Variants in FSIP1 observed in about 807,000 individuals in gnomAD.
FSIP1 encodes fibrous sheath-interacting protein 1.
In FSIP1, 65 loss-of-function variants were observed where a neutral mutation model predicts 60.9. The observed-to-expected ratio is 1.07, with a 90% CI of 0.87 to 1.31. The LOEUF (loss-of-function observed/expected upper bound fraction) is 1.31, where lower values mean the gene tolerates loss of function less well. FSIP1 is among the 40% of genes most tolerant of loss of function. The pLI, the probability that FSIP1 is intolerant of heterozygous loss-of-function variation, is 0.00. For missense variants in FSIP1, 675 were observed against 665.5 expected (o/e 1.01, Z -0.16); for synonymous variants, 209 against 221.2 (o/e 0.94, Z 0.49).
intron 5 of FSIP1, among the ~76,000 whole-genome samples, chr15:39,759,117 G>C (rs1177098836): frequency 6.6e-6 from 1 of 151,462 alleles, no homozygotes; most frequent in Non-Finnish European, 1.5e-5. Flanking sequence ...AGACATAAAA[G>C]GCCTTTTAAA....
chr15:39,648,212 C>CAA lies in FSIP1; in HGVS notation c.1189-29969_1189-29968dup, dbSNP rs35577831. On this transcript the variant is annotated intron_variant, in intron 10 of 11. Transcript: ENST00000350221. ...AAAGAATCTAGTATAAAATTGCTAC[C>CAA]AAAAAAAAAAAAAAGAAAAATTAGA... Among the ~76,000 whole-genome samples the CAA allele has an allele frequency of 3.4e-5, 4 of 117,584 alleles. 1 individual carries two copies. The highest frequency in any genetic ancestry group is 1.2e-4 in the African/African-American group (4 of 32,270). 77.1% of individuals were successfully genotyped at this position (117,584 alleles called of 152,430 possible).
intron 10 of FSIP1, among the ~76,000 whole-genome samples, chr15:39,665,748 C>T (rs1020778710): frequency 6.6e-6 from 1 of 151,950 alleles, no homozygotes; most frequent in African/African-American, 2.4e-5. Flanking sequence ...ATTAATTATA[C>T]TGAATAAAAG....
intron 10 of FSIP1, among the ~76,000 whole-genome samples, chr15:39,698,431 G>T (rs1402714788): frequency 1.3e-5 from 2 of 152,052 alleles, no homozygotes; most frequent in African/African-American, 4.8e-5. Context: ...CAAATACTCA[G>T]TATTCTCTTT....
chr15:39,695,218 A>G lies in FSIP1; in HGVS notation c.1188+18226T>C, dbSNP rs143895886. On this transcript the variant is annotated intron_variant, in intron 10 of 11. Coordinates refer to ENST00000350221, the MANE Select transcript of FSIP1 (RefSeq NM_152597.5). ...TAGTCCTTGACCTCTACATCAAAAT[A>G]CACTTCTGGTCATTGCCTTTGGTGT... Among the ~76,000 whole-genome samples the G allele has an allele frequency of 3.5e-3, 528 of 152,230 alleles. 3 individuals carry two copies. Among genetic ancestry groups the G allele is most frequent in the African/African-American group, 0.012 (504 of 41,544 alleles).
chr15:39,737,150 C>T (rs1437805253), intron 8 of FSIP1, among the ~76,000 whole-genome samples: 1 of 152,168 alleles, frequency 6.6e-6, no homozygotes, highest in Admixed American at 6.5e-5. Context: ...TGTATTTCTT[C>T]ACAGAAGCAA....
At chr15:39,712,172 G>A (rs114956520) in intron 10 of FSIP1, among the ~76,000 whole-genome samples, 4 of 151,924 alleles carry the variant, frequency 2.6e-5, no homozygotes. Flanking sequence ...TCATTAGGGG[G>A]CCTGAGCTCC....
At chr15:39,602,238 CA>C (rs1382890580) in intron 11 of FSIP1, 2 of 434,266 alleles carry the variant, frequency 4.6e-6, no homozygotes, top group Non-Finnish European at 9.3e-6. Context: ...TGGAGGGAGG[CA>C]ATGTGAAGAC....
At chr15:39,767,396 T>C (rs748602789) in intron 3 of FSIP1, among the ~76,000 whole-genome samples, 1 of 152,162 alleles carries the variant, frequency 6.6e-6, no homozygotes, top group Non-Finnish European at 1.5e-5. Context: ...GTAAACTGTG[T>C]CAGCAGCTAA....
intron 10 of FSIP1, among the ~76,000 whole-genome samples, chr15:39,691,873 G>A (rs1049593267): frequency 1.3e-5 from 2 of 151,932 alleles, no homozygotes; most frequent in African/African-American, 4.8e-5. Context: ...CCTGTGAGGG[G>A]GTAGATAGAT....
chr15:39,626,698 G>T (rs1402973519), intron 10 of FSIP1, among the ~76,000 whole-genome samples: 1 of 152,018 alleles, frequency 6.6e-6, no homozygotes, highest in Non-Finnish European at 1.5e-5. Context: ...TGCCATGTAA[G>T]ATGTGCCTCT....
chr15:39,752,573 G>C (rs1044161624), intron 5 of FSIP1, among the ~76,000 whole-genome samples: 11 of 151,930 alleles, frequency 7.2e-5, no homozygotes, highest in African/African-American at 2.7e-4. Context: ...CATGAGAAAA[G>C]CATGAGATAA....
chr15:39,764,555 T>G lies in FSIP1; in HGVS notation c.466-641A>C, dbSNP rs149581737. ...AATAACCAATCTCTTATGACAAGGTTCCTTACCTTAAAGGTGCTTTCCTTT... is the reference window on the plus strand; with the variant it reads ...AATAACCAATCTCTTATGACAAGGTGCCTTACCTTAAAGGTGCTTTCCTTT... On this transcript the variant is annotated intron_variant, in intron 4 of 11. Coordinates refer to ENST00000350221, the MANE Select transcript of FSIP1 (RefSeq NM_152597.5). 8.4e-3 allele frequency among the ~76,000 whole-genome samples: 1,283 copies of G among 152,318 alleles called. 9 individuals carry two copies. The highest frequency in any genetic ancestry group is 0.011 in the Admixed American group (174 of 15,300).
At chr15:39,770,364 A>G in intron 3 of FSIP1, 63 bp downstream of exon 3, 1 of 1,248,262 alleles carries the variant, frequency 8.0e-7, no homozygotes, top group South Asian at 1.8e-5. Context: ...CTTAAATATA[A>G]CATTTGTAAT....
At chr15:39,704,699 A>G (rs1332292163) in intron 10 of FSIP1, among the ~76,000 whole-genome samples, 1 of 152,208 alleles carries the variant, frequency 6.6e-6, no homozygotes, top group Non-Finnish European at 1.5e-5. Flanking sequence ...CTGAATCTAT[A>G]GCATGTGTAA....
chr15:39,733,086 G>A (rs980344008), intron 8 of FSIP1, among the ~76,000 whole-genome samples: 3 of 152,028 alleles, frequency 2.0e-5, no homozygotes, highest in Non-Finnish European at 2.9e-5. Flanking sequence ...TGTTGCCCAG[G>A]CTGGAGTGCA....
At chr15:39,780,418 G>C (rs543243834) in intron 1 of FSIP1, among the ~76,000 whole-genome samples, 1 of 152,264 alleles carries the variant, frequency 6.6e-6, no homozygotes, top group East Asian at 1.9e-4. Flanking sequence ...CCAGCTACTC[G>C]GGAGGCTAAG....
intron 10 of FSIP1, among the ~76,000 whole-genome samples, chr15:39,667,302 C>T (rs1281477250): frequency 6.6e-6 from 1 of 151,846 alleles, no homozygotes; most frequent in Non-Finnish European, 1.5e-5. Flanking sequence ...ATGAAGAGTA[C>T]AAAGCTTAAA....
At chr15:39,705,324 T>A (rs183712361) in intron 10 of FSIP1, among the ~76,000 whole-genome samples, 177 of 151,948 alleles carry the variant, frequency 1.2e-3, no homozygotes, top group African/African-American at 3.6e-3. Flanking sequence ...CTTTATTTTT[T>A]AAAAAAAACA....
intron 5 of FSIP1, among the ~76,000 whole-genome samples, chr15:39,746,999 G>GCTTCCCTCCTTCCCTC (rs34636012): frequency 0.01 from 1,390 of 134,500 alleles, 31 homozygotes; most frequent in African/African-American, 0.034. Context: ...TCCTGTTTGG[G>GCTTCCCTCCTTCCCTC]CTTCCCTCCT....
Sources: gnomAD v4.1 joint callset for allele counts (sites outside exome capture counted in the v4.1 genomes callset) on GRCh38, gnomAD v4.1.1 for gene constraint, MANE v1.5 for transcripts, NCBI Gene and HGNC (gene_info 2026-07-23, HGNC 2026-07-21) for gene names.